The following DLC1 variants were observed in gnomAD, a reference collection of about 807,000 sequenced individuals.
The protein encoded by DLC1 is rho GTPase-activating protein 7.
In DLC1, 54 loss-of-function variants were observed where a neutral mutation model predicts 140.3. The ratio of observed to expected loss-of-function variants is 0.38; its 90% CI spans 0.31 to 0.48. DLC1 has a LOEUF of 0.48. Ranked by LOEUF, DLC1 falls within the 20% of genes least tolerant of loss-of-function variation. DLC1 has a pLI of 0.96. For synonymous variants in DLC1, 986 were observed against 728.1 expected (o/e 1.35, Z -5.70); for missense variants, 2,536 against 1,907.0 (o/e 1.33, Z -6.14).
At chr8:13,159,856 TG>T (rs202111112) in intron 5 of DLC1, among the ~76,000 whole-genome samples, 3,243 of 144,034 alleles carry the variant, frequency 0.023, 124 homozygotes, top group African/African-American at 0.077. Flanking sequence ...AAACCTGGTT[TG>T]AAAAAAAAAA....
rs1491502803 is a variant in DLC1, at chr8:13,496,785, C to CTTTTTTTTTTT, written c.1023+2263_1023+2264insAAAAAAAAAAA. On this transcript the variant is annotated intron_variant, in intron 2 of 17. Coordinates refer to ENST00000276297, the MANE Select transcript of DLC1 (RefSeq NM_182643.3). The stretch of plus-strand genomic sequence containing the variant: ...TAATTAACAAATTCTTAGACCATTT[C>CTTTTTTTTTTT]CTTTTTTTTTTTTTTTTTTTTTTTT... Among the ~76,000 whole-genome samples, 69 of 8,646 alleles carry CTTTTTTTTTTT rather than the reference C, an allele frequency of 8.0e-3. 32 individuals are homozygous for CTTTTTTTTTTT. The highest frequency in any genetic ancestry group is 0.021 in the Non-Finnish European group (31 of 1,456). The allele number at this position is 8,646 out of a possible 152,430, so 5.7% of individuals were successfully genotyped here. A position where few individuals can be genotyped will look rare whatever the true frequency, so the allele number is the denominator to read the frequency against.
At chr8:13,205,059 T>C (rs1827587318) in intron 5 of DLC1, among the ~76,000 whole-genome samples, 1 of 152,084 alleles carries the variant, frequency 6.6e-6, no homozygotes, top group Admixed American at 6.6e-5. Flanking sequence ...AATGAGGCTA[T>C]TATAGACCAG....
At chr8:13,527,815 A>C (rs754055810) in intron 1 of DLC1, among the ~76,000 whole-genome samples, 5 of 152,122 alleles carry the variant, frequency 3.3e-5, no homozygotes, top group Non-Finnish European at 5.9e-5. Context: ...GAACTAGGGG[A>C]ATTTCTTTAG....
At chr8:13,573,413 A>G (rs1804734045) in intron 1 of DLC1, among the ~76,000 whole-genome samples, 1 of 152,162 alleles carries the variant, frequency 6.6e-6, no homozygotes. Flanking sequence ...CAACAGAGAT[A>G]ATTTTATGTG....
chr8:13,550,086 T>G (rs1425043068), intron 1 of DLC1, among the ~76,000 whole-genome samples: 1 of 152,096 alleles, frequency 6.6e-6, no homozygotes, highest in Non-Finnish European at 1.5e-5. Context: ...AGAGAGACAT[T>G]GATATGGTTT....
Position 13,100,330 on chromosome 8 carries a change from T to C in DLC1, c.2007A>G (p.Lys669=). 6.2e-7 allele frequency: 1 copy of C among 1,614,194 alleles called. No homozygotes were observed. Among genetic ancestry groups the C allele is most frequent in the South Asian group, 1.1e-5 (1 of 91,086 alleles). The change falls in exon 9 of 18, where the codon AAA becomes AAG. Residue 669 remains lysine, a synonymous_variant. Coordinates refer to ENST00000276297, the MANE Select transcript of DLC1 (RefSeq NM_182643.3). The part of the protein sequence containing the change: ...TAKSKTRSLL[K]RMESLKLKSS... ...TCTTGAGCTTCAGGCTCTCCATCCG[T>C]TTCAGCAGACTGCGCGTCTTGGACT...
rs1193527976 is a variant in DLC1 at position 13,095,230 on chromosome 8, G to A, written c.3183C>T (p.Phe1061=). The change falls in exon 11 of 18, where the codon TTC becomes TTT. Residue 1061 remains phenylalanine (F), a synonymous_variant. Transcript: ENST00000276297. The stretch of plus-strand genomic sequence containing the variant: ...AGTCTGGAACCTTGATCCTCTTCAT[G>A]AACTTGGGCACGGCCCTGTTAAAGA... The part of the protein sequence containing the change: ...KHGFSWAVPK[F]MKRIKVPDYK... The A allele has an allele frequency of 6.2e-7, 1 of 1,614,136 alleles. No homozygotes were observed. Among genetic ancestry groups the A allele is most frequent in the Non-Finnish European group, 8.5e-7 (1 of 1,180,056 alleles).
Position 13,381,595 on chromosome 8 carries a change from G to A in DLC1, c.1314+11958C>T, listed in dbSNP as rs144044393. On this transcript the variant is annotated intron_variant, in intron 4 of 17. Transcript: ENST00000276297. ...TCTGGAGGAACAAAGCTTCTATGAC[G>A]TAAGAACATTTTGGTTGCTTCACAG... 5.9e-3 allele frequency among the ~76,000 whole-genome samples: 895 copies of A among 152,288 alleles called. 6 individuals are homozygous for A. Among genetic ancestry groups the A allele is most frequent in the African/African-American group, 0.02 (837 of 41,560 alleles).
intron 1 of DLC1, among the ~76,000 whole-genome samples, chr8:13,574,571 C>G (rs1452717770): frequency 1.3e-5 from 2 of 151,918 alleles, no homozygotes; most frequent in Non-Finnish European, 2.9e-5. Context: ...TGTCTAGCCA[C>G]TTAGTACATA....
At chr8:13,134,276 C>G (rs1012085084) in intron 5 of DLC1, among the ~76,000 whole-genome samples, 1 of 152,214 alleles carries the variant, frequency 6.6e-6, no homozygotes, top group Non-Finnish European at 1.5e-5. Context: ...TGCCTGCTAT[C>G]TCTGGGCAAG....
intron 8 of DLC1, among the ~76,000 whole-genome samples, chr8:13,101,747 C>G (rs185841702): frequency 2.5e-4 from 38 of 152,302 alleles, no homozygotes; most frequent in Admixed American, 7.8e-4. Flanking sequence ...AACAAGGCTT[C>G]ACAAATACCC....
chr8:13,222,278 A>G (rs1392073223), intron 5 of DLC1, among the ~76,000 whole-genome samples: 1 of 152,118 alleles, frequency 6.6e-6, no homozygotes, highest in East Asian at 1.9e-4. Flanking sequence ...CACATTTTCA[A>G]TTCCTTCAGA....
chr8:13,127,286 G>A (rs113092685), intron 5 of DLC1, among the ~76,000 whole-genome samples: 10 of 152,292 alleles, frequency 6.6e-5, no homozygotes, highest in African/African-American at 2.2e-4. Context: ...TAGACATGTT[G>A]ACTGGAAGGG....
intron 4 of DLC1, among the ~76,000 whole-genome samples, chr8:13,370,395 C>T (rs528014563): frequency 6.6e-6 from 1 of 152,186 alleles, no homozygotes; most frequent in South Asian, 2.1e-4. Context: ...TGTTGGTGCT[C>T]CCCGTTGTTT....
intron 5 of DLC1, among the ~76,000 whole-genome samples, chr8:13,134,082 A>G (rs2128965771): frequency 6.6e-6 from 1 of 152,334 alleles, no homozygotes; most frequent in South Asian, 2.1e-4. Flanking sequence ...CCAATCTTTG[A>G]TGATGAGAAT....
In DLC1 at chr8:13,095,265, T is replaced by C; in HGVS notation, c.3168-20A>G. 3 of 1,614,040 alleles carry C rather than the reference T, an allele frequency of 1.9e-6. No homozygotes were observed. Among genetic ancestry groups the C allele is most frequent in the Non-Finnish European group, 2.5e-6 (3 of 1,179,922 alleles). ...ACGGCCCTGTTAAAGAACACAGAGA[T>C]GGTGGTGTTGGCGGAGACATGCTCA... On this transcript the variant is annotated intron_variant, in intron 10 of 17. Coordinates refer to ENST00000276297, the MANE Select transcript of DLC1 (RefSeq NM_182643.3).
At chr8:13,121,280 A>T (rs917231012) in intron 5 of DLC1, among the ~76,000 whole-genome samples, 1 of 152,158 alleles carries the variant, frequency 6.6e-6, no homozygotes. Flanking sequence ...ACCAAGATGC[A>T]TTCTCCTCCC....
At chr8:13,170,017 TCAAAAAAA>T (rs1036397032) in intron 5 of DLC1, among the ~76,000 whole-genome samples, 1 of 151,842 alleles carries the variant, frequency 6.6e-6, no homozygotes, top group African/African-American at 2.4e-5. Context: ...AGACCTTGTC[TCAAAAAAA>T]TAAAAAAATA....
intron 2 of DLC1, among the ~76,000 whole-genome samples, chr8:13,490,429 A>G (rs757105892): frequency 5.1e-4 from 78 of 152,142 alleles, no homozygotes; most frequent in Non-Finnish European, 9.4e-4. Context: ...TAGAATAGAG[A>G]TCTTGTTGGC....
Sources: gnomAD v4.1 joint callset for allele counts (sites outside exome capture counted in the v4.1 genomes callset) on GRCh38, gnomAD v4.1.1 for gene constraint, MANE v1.5 for transcripts, NCBI Gene and HGNC (gene_info 2026-07-23, HGNC 2026-07-21) for gene names.